DNAH8: variants seen among roughly 807,000 people sequenced by gnomAD.
DNAH8 encodes the protein dynein axonemal heavy chain 8.
A neutral mutation model predicts 562.1 loss-of-function variants in DNAH8; 382 were observed. The observed-to-expected ratio is 0.68, with a 90% CI of 0.63 to 0.74. The LOEUF is 0.74. DNAH8 is among the 30% of genes least tolerant of loss of function. The probability of loss-of-function intolerance (pLI) is 0.00; values close to 1 mark genes in which losing one functional copy is unlikely to be tolerated. For missense variants in DNAH8, 5,203 were observed against 5,620.4 expected, an observed-to-expected ratio of 0.93 and a Z score of 2.37; for synonymous variants, 1,881 against 1,919.4, an observed-to-expected ratio of 0.98 and a Z score of 0.52.
At chr6:38,970,566 C>G (rs1763267189) in intron 82 of DNAH8, among the ~76,000 whole-genome samples, 1 of 152,196 alleles carries the variant, frequency 6.6e-6, no homozygotes, top group South Asian at 2.1e-4. Context: ...CCTGCAGACC[C>G]TCTCAGAATA....
At chr6:38,863,200 G>A (rs1440958837) in intron 44 of DNAH8, among the ~76,000 whole-genome samples, 1 of 146,316 alleles carries the variant, frequency 6.8e-6, no homozygotes, top group Non-Finnish European at 1.5e-5. Flanking sequence ...TTGGGAGGCC[G>A]AGGCAGGCGG....
At position 39,030,260 on chromosome 6, in the gene DNAH8, G is replaced by A. The variant is rs371719991; in HGVS notation, c.13992G>A (p.Leu4664=). Residue 4664 remains leucine, a synonymous_variant, in exon 93 of 93, where the codon CTG becomes CTA. Transcript: ENST00000327475. ...CCACGGCACCCAAGGACCCCAAGCT[G>A]TATGTGTGTCCTATTTACAAGAAAC... ...INSTAPKDPK[L]YVCPIYKKPR... 3 of 1,614,156 alleles carry A rather than the reference G, an allele frequency of 1.9e-6. No homozygotes were observed. Among genetic ancestry groups the A allele is most frequent in the East Asian group, 2.2e-5 (1 of 44,872 alleles).
chr6:38,834,548 A>C, intron 31 of DNAH8, 31 bp from the exon 32 acceptor site: 1 of 1,454,346 alleles, frequency 6.9e-7, no homozygotes, highest in Non-Finnish European at 9.4e-7. Flanking sequence ...ATGATTAAGA[A>C]TGAAAATGGA....
At chr6:38,741,949 A>G (rs2127586326) in intron 8 of DNAH8, 62 bp downstream of exon 8, 5 of 1,406,830 alleles carry the variant, frequency 3.6e-6, no homozygotes, top group South Asian at 2.7e-5. Context: ...AAATTATCCT[A>G]TTGAACTACT....
intron 77 of DNAH8, among the ~76,000 whole-genome samples, chr6:38,937,232 C>A (rs1279162291): frequency 6.6e-6 from 1 of 151,684 alleles, no homozygotes; most frequent in Non-Finnish European, 1.5e-5. Flanking sequence ...GGAGGGATAG[C>A]GTTAGGAGAA....
Position 38,973,825 on chromosome 6 carries a change from A to G in DNAH8, c.12678+12A>G. The stretch of plus-strand genomic sequence containing the variant: ...TTACATTGCTTCAGGTTTGTTACTA[A>G]ACGTCTTTTCATCGAGAGTCATAGT... On this transcript the variant is annotated intron_variant, in intron 84 of 92. Coordinates refer to ENST00000327475, the MANE Select transcript of DNAH8 (RefSeq NM_001206927.2). The G allele has an allele frequency of 1.3e-6, 2 of 1,587,052 alleles. No individual in the cohort carries two copies. The highest frequency in any genetic ancestry group is 1.7e-6 in the Non-Finnish European group (2 of 1,169,124).
chr6:38,748,472 A>G (rs1765145665), intron 8 of DNAH8, among the ~76,000 whole-genome samples: 1 of 152,108 alleles, frequency 6.6e-6, no homozygotes. Flanking sequence ...TTGTTTTTCA[A>G]AATGGTTTTG....
Position 38,822,870 on chromosome 6 carries a change from C to G in DNAH8, c.3556C>G (p.Leu1186Val). The change falls in exon 27 of 93, where the codon CTG becomes GTG. Residue 1186 changes from leucine (L) to valine (V), a missense_variant. By Grantham distance (32) the Leu-to-Val change is conservative (BLOSUM62 1). This residue lies in a region of DNAH8 where 2,176 missense variants were observed against 2,365.1 expected (regional missense o/e 0.92). Transcript: ENST00000327475. ...TGAAGAAGCTATTCCTGCGAGGAAG[C>G]TGAAGAATTTTTACCCGGGGGTAGC... ...SFEEAIPARK[L>V]KNFYPGVAEH... is the part of the protein sequence containing the mutation. 1 of 1,603,578 alleles carries G rather than the reference C, an allele frequency of 6.2e-7. No individual in the cohort carries two copies. Among genetic ancestry groups the G allele is most frequent in the Non-Finnish European group, 8.5e-7 (1 of 1,176,846 alleles).
chr6:39,027,673 A>G (rs1421500821), intron 92 of DNAH8, among the ~76,000 whole-genome samples: 1 of 152,036 alleles, frequency 6.6e-6, no homozygotes, highest in East Asian at 1.9e-4. Context: ...CTAAAAATAC[A>G]AAACTTAGCC....
At chr6:38,727,950 G>A (rs1763359445) in intron 3 of DNAH8, among the ~76,000 whole-genome samples, 1 of 152,074 alleles carries the variant, frequency 6.6e-6, no homozygotes, top group Non-Finnish European at 1.5e-5. Context: ...GTGCGTGTGT[G>A]TTTTGGGTCC....
intron 41 of DNAH8, among the ~76,000 whole-genome samples, chr6:38,855,549 G>A (rs1776130233): frequency 6.6e-6 from 1 of 151,980 alleles, no homozygotes; most frequent in Admixed American, 6.6e-5. Context: ...TTTATGGGGT[G>A]CATAGTGATG....
At chr6:38,755,844 TA>T (rs767643115) in intron 9 of DNAH8, 127 bp from the exon 10 acceptor site, 33 of 614,738 alleles carry the variant, frequency 5.4e-5, no homozygotes, top group Non-Finnish European at 8.6e-5. Context: ...TTGGATTTAG[TA>T]AAATTTGACT....
chr6:38,804,695 C>G (rs1771092785), intron 22 of DNAH8, among the ~76,000 whole-genome samples: 1 of 151,224 alleles, frequency 6.6e-6, no homozygotes, highest in African/African-American at 2.4e-5. Flanking sequence ...CTGTGGGAAG[C>G]TGGCTTTTTG....
At chr6:38,787,979 A>G (rs1769338507) in intron 18 of DNAH8, among the ~76,000 whole-genome samples, 1 of 152,186 alleles carries the variant, frequency 6.6e-6, no homozygotes, top group Non-Finnish European at 1.5e-5. Context: ...AGTAATAGCA[A>G]AAGACTGGAG....
rs752764006 is a variant in DNAH8, at chr6:38,868,179, A to G, written c.6811A>G (p.Met2271Val). Residue 2271 changes from methionine to valine, a missense_variant, in exon 48 of 93, where the codon ATG becomes GTG. Physicochemically the swap from Met to Val is conservative, Grantham distance 21. Coordinates refer to ENST00000327475, the MANE Select transcript of DNAH8 (RefSeq NM_001206927.2). ...CATTGTCATGAGAGGACTAAGAGAT[A>G]TGAACCTTTCCAAACTGGTATCTTC... ...LSIVMRGLRDMNLSKLVDEDE... is the reference protein window; with the variant it reads ...LSIVMRGLRDVNLSKLVDEDE... 6.2e-6 allele frequency: 10 copies of G among 1,608,380 alleles called. No individual in the cohort carries two copies. Among genetic ancestry groups the G allele is most frequent in the South Asian group, 3.4e-5 (3 of 89,410 alleles).
intron 24 of DNAH8, among the ~76,000 whole-genome samples, chr6:38,810,824 A>G (rs1307469537): frequency 6.6e-6 from 1 of 151,990 alleles, no homozygotes; most frequent in Non-Finnish European, 1.5e-5. Flanking sequence ...TTTGTATCCC[A>G]TTGGTTCTTT....
At chr6:38,914,335 G>A (rs1342543201) in intron 67 of DNAH8, among the ~76,000 whole-genome samples, 4 of 147,522 alleles carry the variant, frequency 2.7e-5, no homozygotes, top group African/African-American at 7.4e-5. Flanking sequence ...AAGAAAGAAA[G>A]AGGAAAAATC....
chr6:39,001,436 C>T (rs114272866), intron 88 of DNAH8, among the ~76,000 whole-genome samples: 1,538 of 152,182 alleles, frequency 0.01, 21 homozygotes, highest in African/African-American at 0.034. Flanking sequence ...CTAGGGAAGG[C>T]TGTCTAGAGG....
In DNAH8 at chr6:38,789,881, A is replaced by G. The variant is rs1055070416; in HGVS notation, c.2662A>G (p.Lys888Glu). 2.5e-6 allele frequency: 4 copies of G among 1,608,946 alleles called. No individual in the cohort carries two copies. Among genetic ancestry groups the G allele is most frequent in the Admixed American group, 3.3e-5 (2 of 59,760 alleles). ...FVNLMTPKMK[K>E]VESVLRQGLT... ...CAATCTGATGACCCCAAAAATGAAAAAGGTTGGTATTGCTGAAGGTTTGTA... is the reference window on the plus strand; with the variant it reads ...CAATCTGATGACCCCAAAAATGAAAGAGGTTGGTATTGCTGAAGGTTTGTA... The change falls in exon 19 of 93, where the codon AAG (lysine) becomes GAG (glutamate). Residue 888 changes from lysine to glutamate, a missense_variant and splice_region_variant. This residue lies in a region of DNAH8 where 2,176 missense variants were observed against 2,365.1 expected (regional missense o/e 0.92). Coordinates refer to ENST00000327475, the MANE Select transcript of DNAH8 (RefSeq NM_001206927.2).
Sources: gnomAD v4.1 joint callset for allele counts (sites outside exome capture counted in the v4.1 genomes callset) on GRCh38, gnomAD v4.1.1 for gene constraint, gnomAD v4.1.1 regional missense constraint, MANE v1.5 for transcripts, NCBI Gene and HGNC (gene_info 2026-07-23, HGNC 2026-07-21) for gene names.